The following COQ8A variants were observed in gnomAD, a reference collection of about 807,000 sequenced individuals.
The protein encoded by COQ8A is coenzyme Q8A, also known as atypical kinase COQ8A, mitochondrial.
A neutral mutation model predicts 65.0 loss-of-function variants in COQ8A; 51 were observed. The observed-to-expected ratio is 0.78, with a 90% CI of 0.63 to 0.99. The LOEUF (loss-of-function observed/expected upper bound fraction) is 0.99. Ranked by LOEUF, COQ8A falls within the 50% of genes least tolerant of loss-of-function variation. The pLI, the probability that COQ8A is intolerant of heterozygous loss-of-function variation, is 0.00. For synonymous variants in COQ8A, 371 were observed against 353.2 expected, an observed-to-expected ratio of 1.05 and a Z score of -0.57; for missense variants, 940 against 875.0, an observed-to-expected ratio of 1.07 and a Z score of -0.94.
At position 226,984,160 on chromosome 1, in the gene COQ8A, T is replaced by C. The variant is rs765323976; in HGVS notation, c.1323T>C (p.His441=). The change falls in exon 11 of 15, where the codon CAT becomes CAC. Residue 441 remains histidine, a synonymous_variant. Transcript: ENST00000366777. Reference sequence around the variant, plus strand: ...TTGTGGATGAGCTCTGCAGCCCACATGTGCTGACCACAGAGCTGGTGTCTG... The same window carrying C: ...TTGTGGATGAGCTCTGCAGCCCACACGTGCTGACCACAGAGCTGGTGTCTG... ...PEIVDELCSP[H]VLTTELVSGF... 20 of 1,613,768 alleles carry C rather than the reference T, an allele frequency of 1.2e-5. No individual in the cohort carries two copies. Among genetic ancestry groups the C allele is most frequent in the East Asian group, 2.2e-5 (1 of 44,880 alleles).
In COQ8A at chr1:226,984,832, A is replaced by G. The variant is rs567018217; in HGVS notation, c.1507-44A>G. The G allele has an allele frequency of 1.9e-5, 31 of 1,604,934 alleles. No homozygotes were observed. In the South Asian group the frequency reaches 2.6e-4, roughly 14 times the overall value. On this transcript the variant is annotated intron_variant, in intron 12 of 14. Transcript: ENST00000366777. ...CTTCCCGGCCCCACACACCCGCACC[A>G]TGGAGCACCAGGGCCAAACTTCTCC... is the stretch of plus-strand genomic sequence containing the variant.
At chr1:226,956,035 C>T (rs1472166543) in intron 1 of COQ8A, among the ~76,000 whole-genome samples, 5 of 143,738 alleles carry the variant, frequency 3.5e-5, no homozygotes, top group South Asian at 2.3e-4. Flanking sequence ...GGTTCACACT[C>T]TCCCTGGCTC....
At chr1:226,978,380 CCACA>C in intron 5 of COQ8A, among the ~76,000 whole-genome samples, 2 of 142,746 alleles carry the variant, frequency 1.4e-5, no homozygotes, top group African/African-American at 2.6e-5. Context: ...TACACACCCT[CCACA>C]TACCCTCCAA....
chr1:226,973,474 G>A (rs1363831758), intron 4 of COQ8A, among the ~76,000 whole-genome samples: 1 of 152,216 alleles, frequency 6.6e-6, no homozygotes, highest in East Asian at 1.9e-4. Context: ...GTGTGTGGAA[G>A]TCTGAGCCTG....
rs1659912487 is a variant in COQ8A, at chr1:226,984,125, G to A, written c.1288G>A (p.Val430Met). ...DLLKGHPFFY[V>M]PEIVDELCSP... is the part of the protein sequence containing the mutation. ...GCTGAAGGGCCACCCCTTCTTCTATGTGCCTGAGATTGTGGATGAGCTCTG... is the reference window on the plus strand; with the variant it reads ...GCTGAAGGGCCACCCCTTCTTCTATATGCCTGAGATTGTGGATGAGCTCTG... The change falls in exon 11 of 15, where the codon GTG (valine) becomes ATG (methionine). Residue 430 changes from valine (V) to methionine (M), a missense_variant. Val to Met is a conservative substitution (Grantham distance 21). Transcript: ENST00000366777. 5 of 1,613,782 alleles carry A rather than the reference G, an allele frequency of 3.1e-6. No homozygotes were observed. The highest frequency in any genetic ancestry group is 4.2e-6 in the Non-Finnish European group (5 of 1,180,006).
intron 4 of COQ8A, among the ~76,000 whole-genome samples, chr1:226,969,321 CAG>C (rs1296145963): frequency 2.0e-5 from 3 of 152,046 alleles, no homozygotes; most frequent in South Asian, 2.1e-4. Flanking sequence ...TTGTTTGAGA[CAG>C]AGTCTTGCTC....
chr1:226,942,124 A>G (rs989179361), intron 1 of COQ8A, among the ~76,000 whole-genome samples: 2 of 152,104 alleles, frequency 1.3e-5, no homozygotes, highest in South Asian at 2.1e-4. Flanking sequence ...AGACATTGCC[A>G]CGTGTCCCCT....
chr1:226,966,107 A>G (rs1463483082), intron 4 of COQ8A, among the ~76,000 whole-genome samples: 1 of 152,234 alleles, frequency 6.6e-6, no homozygotes, highest in African/African-American at 2.4e-5. Context: ...GAGGCTGGGC[A>G]GTGAGGAAAA....
intron 1 of COQ8A, among the ~76,000 whole-genome samples, chr1:226,948,342 C>G (rs2148008605): frequency 6.6e-6 from 1 of 152,340 alleles, no homozygotes; most frequent in East Asian, 1.9e-4. Flanking sequence ...GCCCTGCCTG[C>G]CTCCCTCTTA....
At chr1:226,978,370 TACAC>T (rs1223694765) in intron 5 of COQ8A, among the ~76,000 whole-genome samples, 2 of 104,358 alleles carry the variant, frequency 1.9e-5, no homozygotes, top group Admixed American at 1.0e-4. Context: ...AACACCTCCT[TACAC>T]ACCCTCCACA....
In COQ8A at chr1:226,961,006, C is replaced by T. The variant is rs117607931; in HGVS notation, c.-9-371C>T. On this transcript the variant is annotated intron_variant, in intron 1 of 14. Coordinates refer to ENST00000366777, the MANE Select transcript of COQ8A (RefSeq NM_020247.5). ...GCAGTTTTGGTCCAGAGGGATGAACCCTAGACTGGGAGTCTGTGCGCCTGA... is the reference window on the plus strand; with the variant it reads ...GCAGTTTTGGTCCAGAGGGATGAACTCTAGACTGGGAGTCTGTGCGCCTGA... Among the ~76,000 whole-genome samples, 377 of 152,198 alleles carry T rather than the reference C, an allele frequency of 2.5e-3. 9 individuals carry two copies. The East Asian group carries it at 0.046, about 19-fold the overall frequency.
intron 2 of COQ8A, 127 bp downstream of exon 2, chr1:226,961,689 T>C: frequency 8.5e-7 from 1 of 1,177,876 alleles, no homozygotes; most frequent in Non-Finnish European, 1.2e-6. Context: ...GCCCACCAGC[T>C]AATGTGTCCC....
chr1:226,964,897 G>A (rs938761219), intron 2 of COQ8A, 103 bp from the exon 3 acceptor site: 1 of 1,340,830 alleles, frequency 7.5e-7, no homozygotes, highest in Non-Finnish European at 1.0e-6. Context: ...AGGTGGGAGG[G>A]GGCGGGATGC....
chr1:226,979,903 A>G (rs1162705806), intron 5 of COQ8A, among the ~76,000 whole-genome samples: 1 of 152,128 alleles, frequency 6.6e-6, no homozygotes. Flanking sequence ...ACTGTCCCCT[A>G]CTGTCCTCTC....
In COQ8A at chr1:226,987,131, T is replaced by A. The variant is rs909989157; in HGVS notation, c.*394T>A. The A allele has an allele frequency of 3.7e-5, 11 of 299,504 alleles. No individual in the cohort carries two copies. Among genetic ancestry groups the A allele is most frequent in the African/African-American group, 2.2e-4 (10 of 45,772 alleles). 18.6% of individuals were successfully genotyped at this position (299,504 alleles called of 1,614,324 possible). On this transcript the variant is annotated 3_prime_UTR_variant, in exon 15 of 15. Coordinates refer to ENST00000366777, the MANE Select transcript of COQ8A (RefSeq NM_020247.5). The stretch of plus-strand genomic sequence containing the variant: ...CAGATACGATTGTGGGATTTTATCA[T>A]CTGTGTAGTAGGTGTGTGTATGTGT...
At chr1:226,984,699 T>G in intron 12 of COQ8A, 44 bp downstream of exon 12, 1 of 1,577,146 alleles carries the variant, frequency 6.3e-7, no homozygotes, top group South Asian at 1.1e-5. Context: ...CCTGAGAGCT[T>G]CTCCGAATGG....
At chr1:226,985,703 A>C (rs944506645) in intron 14 of COQ8A, among the ~76,000 whole-genome samples, 2 of 152,196 alleles carry the variant, frequency 1.3e-5, no homozygotes, top group Non-Finnish European at 2.9e-5. Context: ...AAACCTTAGA[A>C]GCCTTTTAAA....
At chr1:226,951,419 C>T (rs911796638) in intron 1 of COQ8A, among the ~76,000 whole-genome samples, 26 of 152,180 alleles carry the variant, frequency 1.7e-4, no homozygotes, top group African/African-American at 6.3e-4. Flanking sequence ...CCCAGCCCCC[C>T]AGGCCTGTCC....
At position 226,986,598 on chromosome 1, in the gene COQ8A, C is replaced by A. The variant is rs61995958; in HGVS notation, c.1805C>A (p.Pro602Gln). 77 of 1,613,924 alleles carry A rather than the reference C, an allele frequency of 4.8e-5. No individual in the cohort carries two copies. The highest frequency in any genetic ancestry group is 5.8e-5 in the Non-Finnish European group (69 of 1,180,000). Residue 602 changes from proline (P) to glutamine (Q), a missense_variant, in exon 15 of 15, where the codon CCA (proline) becomes CAA (glutamine). Transcript: ENST00000366777. ...ATGCTGAGGCACCGTCTCGTCCCCC[C>A]ACCCGAGGAAACCTACTCCCTGCAC... The part of the protein sequence containing the change: ...PVMLRHRLVP[P>Q]PEETYSLHRK...
Sources: gnomAD v4.1 joint callset for allele counts (sites outside exome capture counted in the v4.1 genomes callset) on GRCh38, gnomAD v4.1.1 for gene constraint, MANE v1.5 for transcripts, NCBI Gene and HGNC (gene_info 2026-07-23, HGNC 2026-07-21) for gene names.